Variants in TRAF6 observed in about 807,000 individuals in gnomAD.
TRAF6 encodes the protein TNF receptor associated factor 6.
TRAF6 carries 10 observed loss-of-function variants against 48.4 expected under a neutral mutation model. That is an observed-to-expected ratio of 0.21 (90% confidence interval 0.13 to 0.35). The LOEUF is 0.35. TRAF6 is among the 10% of genes least tolerant of loss of function. The pLI is 1.00. For synonymous variants in TRAF6, 186 were observed against 219.6 expected, an observed-to-expected ratio of 0.85 and a Z score of 1.35; for missense variants, 397 against 661.0, an observed-to-expected ratio of 0.60 and a Z score of 4.38.
intron 1 of TRAF6, among the ~76,000 whole-genome samples, chr11:36,502,170 T>C (rs1859726877): frequency 1.3e-5 from 2 of 152,328 alleles, no homozygotes; most frequent in South Asian, 4.1e-4. Flanking sequence ...TTTTTTCTTC[T>C]AGGTCTAAAA....
rs1327406890 is a variant in TRAF6, at chr11:36,487,195, A to G, written c.*2643T>C. The G allele has an allele frequency of 6.6e-6, 1 of 152,232 alleles. No homozygotes were observed. Among genetic ancestry groups the G allele is most frequent in the East Asian group, 1.9e-4 (1 of 5,194 alleles). The allele number at this position is 152,232 out of a possible 1,614,324, so 9.4% of individuals were successfully genotyped here. On this transcript the variant is annotated 3_prime_UTR_variant, in exon 7 of 7. Coordinates refer to ENST00000526995, the MANE Select transcript of TRAF6 (RefSeq NM_004620.4). ...TGTCCCAGAATGATGCCAAAAGATA[A>G]ATATGGTAAAAGGTGGTTAGTAACA...
Position 36,503,571 on chromosome 11 carries a change from C to T in TRAF6, c.-22-2034G>A, listed in dbSNP as rs907265916. ...GTGTTGAGATTAAGGCACGAACCCC[C>T]GAGCCCGGCTGTGGTTTATTTAGTT... On this transcript the variant is annotated intron_variant, in intron 1 of 6. Transcript: ENST00000526995. 5.9e-5 allele frequency among the ~76,000 whole-genome samples: 9 copies of T among 152,146 alleles called. No individual in the cohort carries two copies. In the South Asian group the frequency reaches 8.3e-4, roughly 14 times the overall value.
intron 1 of TRAF6, among the ~76,000 whole-genome samples, chr11:36,508,288 A>C (rs1290515766): frequency 6.6e-6 from 1 of 151,916 alleles, no homozygotes. Context: ...TGCAGTTGCG[A>C]AATCTAGTAT....
chr11:36,500,833 C>T lies in TRAF6; in HGVS notation c.296+387G>A, dbSNP rs369272255. Reference sequence around the variant, plus strand: ...TTTAACATGCCTAAAATCACAATAACTGATCACTTACAGAGTCAGTATTCT... The same window carrying T: ...TTTAACATGCCTAAAATCACAATAATTGATCACTTACAGAGTCAGTATTCT... On this transcript the variant is annotated intron_variant, in intron 2 of 6. Transcript: ENST00000526995. Among the ~76,000 whole-genome samples the T allele has an allele frequency of 2.4e-4, 37 of 152,130 alleles. 1 individual carries two copies. In the East Asian group the frequency reaches 5.6e-3, roughly 23 times the overall value.
rs750708011 is a variant in TRAF6, at chr11:36,501,410, C to T, written c.106G>A (p.Val36Met). The T allele has an allele frequency of 1.9e-6, 3 of 1,614,040 alleles. No individual in the cohort carries two copies. The African/African-American group carries it at 4.0e-5, about 22-fold the overall frequency. ...TTCCCCGTGCTGGCAGTTCCACCCA[C>T]ACTATCATCTTTTGTTACAGCGCTA... The part of the protein sequence containing the change: ...SCSAVTKDDS[V>M]GGTASTGNLS... Residue 36 changes from valine to methionine, a missense_variant, in exon 2 of 7, where the codon GTG becomes ATG. Val to Met is a conservative substitution (Grantham distance 21). This residue lies in a region of TRAF6 where 73 missense variants were observed against 87.3 expected (regional missense o/e 0.84). Transcript: ENST00000526995.
In TRAF6 at chr11:36,488,847, C is replaced by A. The variant is rs1000599172; in HGVS notation, c.*991G>T. On this transcript the variant is annotated 3_prime_UTR_variant, in exon 7 of 7. Transcript: ENST00000526995. ...GGAAATCAATTTTGTTCTTTTTAAT[C>A]GAAATAAACCAGAGGGTATTCAAAA... is the stretch of plus-strand genomic sequence containing the variant. 6.6e-6 allele frequency: 1 copy of A among 152,126 alleles called. No homozygotes were observed. Among genetic ancestry groups the A allele is most frequent in the Non-Finnish European group, 1.5e-5 (1 of 68,020 alleles). 9.4% of individuals were successfully genotyped at this position (152,126 alleles called of 1,614,324 possible). A position where few individuals can be genotyped will look rare whatever the true frequency, so the allele number is the denominator to read the frequency against.
At chr11:36,500,850 C>T (rs1203752154) in intron 2 of TRAF6, among the ~76,000 whole-genome samples, 3 of 151,794 alleles carry the variant, frequency 2.0e-5, no homozygotes, top group Admixed American at 6.6e-5. Context: ...CTTACAGAGT[C>T]AGTATTCTTT....
intron 2 of TRAF6, among the ~76,000 whole-genome samples, chr11:36,499,907 T>C (rs1346371312): frequency 6.6e-6 from 1 of 152,210 alleles, no homozygotes; most frequent in Non-Finnish European, 1.5e-5. Flanking sequence ...CTTCATCCAA[T>C]TTTTTGTCCT....
rs975244892 is a variant in TRAF6 at position 36,485,328 on chromosome 11, T to G, written c.*4510A>C. On this transcript the variant is annotated 3_prime_UTR_variant, in exon 7 of 7. Coordinates refer to ENST00000526995, the MANE Select transcript of TRAF6 (RefSeq NM_004620.4). ...GTTCATTATTACGTATTTGAGTGTGTGCAACGTGCCAGGCACTGTGGTAAG... is the reference window on the plus strand; with the variant it reads ...GTTCATTATTACGTATTTGAGTGTGGGCAACGTGCCAGGCACTGTGGTAAG... Among the ~76,000 whole-genome samples, 1 of 152,182 alleles carries G rather than the reference T, an allele frequency of 6.6e-6. No individual in the cohort carries two copies. The highest frequency in any genetic ancestry group is 1.5e-5 in the Non-Finnish European group (1 of 68,042).
intron 1 of TRAF6, 115 bp from the exon 2 acceptor site, chr11:36,501,652 G>T: frequency 1.3e-6 from 1 of 745,178 alleles, no homozygotes; most frequent in Non-Finnish European, 2.0e-6. Flanking sequence ...TACATCAGCT[G>T]TATTAATGTT....
At chr11:36,496,863 A>T (rs2089466297) in intron 4 of TRAF6, among the ~76,000 whole-genome samples, 1 of 152,208 alleles carries the variant, frequency 6.6e-6, no homozygotes, top group Non-Finnish European at 1.5e-5. Context: ...TGTTACTTGC[A>T]TATCTACAAT....
At position 36,490,093 on chromosome 11, in the gene TRAF6, A is replaced by G; in HGVS notation, c.1314T>C (p.Ser438=). 1.2e-6 allele frequency: 2 copies of G among 1,614,222 alleles called. No individual in the cohort carries two copies. The highest frequency in any genetic ancestry group is 1.7e-6 in the Non-Finnish European group (2 of 1,180,050). Residue 438 remains serine (S), a synonymous_variant, in exon 7 of 7, where the codon TCT becomes TCC. Coordinates refer to ENST00000526995, the MANE Select transcript of TRAF6 (RefSeq NM_004620.4). The surrounding 1 kb of genome is among the most constrained non-coding windows in gnomAD (Gnocchi z 6.4). ...CGTGGTTTTGCCTTACAGGTGCTTC[A>G]GACTGATCAAGAATTGTAAGGCGTA... is the stretch of plus-strand genomic sequence containing the variant. ...GTIRLTILDQ[S]EAPVRQNHEE...
chr11:36,493,210 C>T (rs905562748), intron 5 of TRAF6, among the ~76,000 whole-genome samples: 1 of 152,212 alleles, frequency 6.6e-6, no homozygotes, highest in African/African-American at 2.4e-5. Flanking sequence ...TTTTGGGACT[C>T]TAAGACACAT....
Position 36,487,703 on chromosome 11 carries a change from A to T in TRAF6, c.*2135T>A, listed in dbSNP as rs904688256. The T allele has an allele frequency of 5.3e-5, 8 of 152,194 alleles. No individual in the cohort carries two copies. The highest frequency in any genetic ancestry group is 8.8e-5 in the Non-Finnish European group (6 of 68,034). 9.4% of individuals were successfully genotyped at this position (152,194 alleles called of 1,614,324 possible). A position where few individuals can be genotyped will look rare whatever the true frequency, so the allele number is the denominator to read the frequency against. ...GGGAAGCTTGCTAAAAGCTGAAATTAGGCAAAACAACTTTTTTTTTTAATA... is the reference window on the plus strand; with the variant it reads ...GGGAAGCTTGCTAAAAGCTGAAATTTGGCAAAACAACTTTTTTTTTTAATA... On this transcript the variant is annotated 3_prime_UTR_variant, in exon 7 of 7. Coordinates refer to ENST00000526995, the MANE Select transcript of TRAF6 (RefSeq NM_004620.4).
Position 36,489,725 on chromosome 11 carries a change from A to G in TRAF6, c.*113T>C. 8.8e-7 allele frequency: 1 copy of G among 1,132,752 alleles called. No homozygotes were observed. The highest frequency in any genetic ancestry group is 2.4e-5 in the East Asian group (1 of 42,404). 70.2% of individuals were successfully genotyped at this position (1,132,752 alleles called of 1,614,324 possible). On this transcript the variant is annotated 3_prime_UTR_variant, in exon 7 of 7. Transcript: ENST00000526995. ...GTAAGTGACCTCTCTAACAACACTC[A>G]CTAGTAGATATTACATATTTCCCGT...
At chr11:36,497,880 T>C (rs1409229326) in intron 3 of TRAF6, among the ~76,000 whole-genome samples, 3 of 151,662 alleles carry the variant, frequency 2.0e-5, no homozygotes, top group African/African-American at 7.3e-5. Flanking sequence ...AATGTGACAC[T>C]TGTATTTTTT....
intron 5 of TRAF6, among the ~76,000 whole-genome samples, chr11:36,494,191 C>T (rs1048054348): frequency 4.6e-5 from 7 of 151,926 alleles, no homozygotes; most frequent in East Asian, 1.9e-4. Flanking sequence ...ATAACAAGAC[C>T]CCGTTTCTAC....
At chr11:36,500,694 G>C (rs1859704088) in intron 2 of TRAF6, among the ~76,000 whole-genome samples, 1 of 152,140 alleles carries the variant, frequency 6.6e-6, no homozygotes, top group African/African-American at 2.4e-5. Flanking sequence ...GAGGGAGGAA[G>C]TGAGAAGGGA....
intron 4 of TRAF6, 49 bp from the exon 5 acceptor site, chr11:36,495,096 A>T: frequency 7.1e-7 from 1 of 1,413,158 alleles, no homozygotes; most frequent in Non-Finnish European, 9.9e-7. Flanking sequence ...TATCTGAAAA[A>T]GTGAAAACAA....
Sources: gnomAD v4.1 joint callset for allele counts (sites outside exome capture counted in the v4.1 genomes callset) on GRCh38, gnomAD v4.1.1 for gene constraint, gnomAD v4.1.1 regional missense constraint, Gnocchi (gnomAD v3.1) non-coding constraint, MANE v1.5 for transcripts, NCBI Gene and HGNC (gene_info 2026-07-23, HGNC 2026-07-21) for gene names.